SUPT4H1: variants seen among roughly 807,000 people sequenced by gnomAD.
SUPT4H1 encodes the protein SPT4 homolog, DSIF elongation factor subunit.
In SUPT4H1, 12 loss-of-function variants were observed where a neutral mutation model predicts 19.4. The observed-to-expected ratio is 0.62, with a 90% CI of 0.40 to 1.00. SUPT4H1 has a LOEUF of 1.00. SUPT4H1 is among the 50% of genes least tolerant of loss of function. The probability of loss-of-function intolerance (pLI) is 0.00; values close to 1 mark genes in which losing one functional copy is unlikely to be tolerated. For synonymous variants in SUPT4H1, 58 were observed against 56.3 expected (o/e 1.03, Z -0.14); for missense variants, 115 against 149.2 (o/e 0.77, Z 1.19).
intron 2 of SUPT4H1, among the ~76,000 whole-genome samples, chr17:58,349,906 G>GTACA (rs1332094150): frequency 7.2e-5 from 11 of 152,186 alleles, no homozygotes; most frequent in African/African-American, 2.7e-4. Flanking sequence ...TGTTTAATGG[G>GTACA]TACAGATGAA....
At chr17:58,351,664 A>C (rs893913447) in intron 1 of SUPT4H1, 156 bp from the exon 2 acceptor site, 1 of 601,744 alleles carries the variant, frequency 1.7e-6, no homozygotes, top group African/African-American at 1.9e-5. Flanking sequence ...TCAAAGCTTC[A>C]TTCCTAAGTC....
intron 3 of SUPT4H1, 80 bp downstream of exon 3, chr17:58,347,449 C>CTGA: frequency 1.9e-6 from 3 of 1,549,594 alleles, no homozygotes; most frequent in Non-Finnish European, 2.7e-6. Flanking sequence ...ACTCATCTTG[C>CTGA]TGATTTGAGA....
At chr17:58,348,504 C>T (rs1972376815) in intron 2 of SUPT4H1, among the ~76,000 whole-genome samples, 1 of 152,148 alleles carries the variant, frequency 6.6e-6, no homozygotes, top group Non-Finnish European at 1.5e-5. Flanking sequence ...AGCCCTGCAG[C>T]CTGATGGGAG....
At chr17:58,350,652 A>G (rs1395232602) in intron 2 of SUPT4H1, among the ~76,000 whole-genome samples, 3 of 151,634 alleles carry the variant, frequency 2.0e-5, no homozygotes, top group Admixed American at 6.6e-5. Flanking sequence ...CCTGGCCAAC[A>G]TGGTGAAACC....
chr17:58,349,674 C>T (rs77991835), intron 2 of SUPT4H1, among the ~76,000 whole-genome samples: 1,906 of 152,256 alleles, frequency 0.013, 22 homozygotes, highest in Middle Eastern at 0.034. Context: ...GCAGAACATG[C>T]TATACACATA....
In SUPT4H1 at chr17:58,346,305, G is replaced by GCA; in HGVS notation, c.293_294dup (p.Arg99CysfsTer4). 1.9e-6 allele frequency: 3 copies of GCA among 1,613,840 alleles called. No homozygotes were observed. Among genetic ancestry groups the GCA allele is most frequent in the African/African-American group, 1.3e-5 (1 of 74,994 alleles). ...GCCACTCCTCGACTTTTCAGCTCCC[G>GCA]CACGATTCCTGAAGCAGGAAAAGAA... On this transcript the variant is annotated frameshift_variant, in exon 5 of 5. Coordinates refer to ENST00000225504, the MANE Select transcript of SUPT4H1 (RefSeq NM_003168.3). LOFTEE classifies it high-confidence loss of function.
At position 58,352,151 on chromosome 17, in the gene SUPT4H1, GAAC is replaced by G. The variant is rs758556062; in HGVS notation, c.-19_-17del. The G allele has an allele frequency of 6.4e-5, 104 of 1,613,680 alleles. No homozygotes were observed. The highest frequency in any genetic ancestry group is 1.5e-4 in the African/African-American group (11 of 74,922). On this transcript the variant is annotated 5_prime_UTR_variant, in exon 1 of 5. Coordinates refer to ENST00000225504, the MANE Select transcript of SUPT4H1 (RefSeq NM_003168.3). ...CCAGGGCCATCTTCGCCGATGGGAA[GAAC>G]AACAGGGAGATAGACGACCACAGCC...
Position 58,352,146 on chromosome 17 carries a change from G to T in SUPT4H1, c.-11C>A. ...CGTCTCCAGGGCCATCTTCGCCGATGGGAAGAACAACAGGGAGATAGACGA... is the reference window on the plus strand; with the variant it reads ...CGTCTCCAGGGCCATCTTCGCCGATTGGAAGAACAACAGGGAGATAGACGA... On this transcript the variant is annotated 5_prime_UTR_variant, in exon 1 of 5. Transcript: ENST00000225504. 1 of 1,614,050 alleles carries T rather than the reference G, an allele frequency of 6.2e-7. No homozygotes were observed. The highest frequency in any genetic ancestry group is 8.5e-7 in the Non-Finnish European group (1 of 1,179,960).
Position 58,347,250 on chromosome 17 carries a change from GAA to G in SUPT4H1, c.233-11_233-10del. 6.2e-7 allele frequency: 1 copy of G among 1,613,490 alleles called. No homozygotes were observed. Among genetic ancestry groups the G allele is most frequent in the South Asian group, 1.1e-5 (1 of 90,950 alleles). ...ACCTGGCTTAAAGTTACCTGAGAGA[GAA>G]GAAAAAAGATACAAGATTACAGTGA... On this transcript the variant is annotated splice_polypyrimidine_tract_variant and intron_variant, in intron 3 of 4. Transcript: ENST00000225504.
chr17:58,350,798 T>C (rs1972477536), intron 2 of SUPT4H1, among the ~76,000 whole-genome samples: 1 of 136,024 alleles, frequency 7.4e-6, no homozygotes, highest in African/African-American at 2.8e-5. Flanking sequence ...ACTGCACCAT[T>C]GCACTCCAGC....
At chr17:58,351,600 A>C (rs1181085254) in intron 1 of SUPT4H1, 92 bp from the exon 2 acceptor site, 10 of 858,030 alleles carry the variant, frequency 1.2e-5, no homozygotes, top group African/African-American at 3.4e-5. Context: ...GACCTGCTCA[A>C]TTTCTTGTTT....
At chr17:58,350,147 G>A (rs1271543191) in intron 2 of SUPT4H1, among the ~76,000 whole-genome samples, 2 of 152,192 alleles carry the variant, frequency 1.3e-5, no homozygotes, top group Non-Finnish European at 2.9e-5. Flanking sequence ...TTAGCTGGGC[G>A]TGGTGGTGGG....
intron 1 of SUPT4H1, chr17:58,351,853 A>G (rs1972537400): frequency 3.4e-6 from 2 of 595,746 alleles, no homozygotes; most frequent in East Asian, 5.7e-5. Flanking sequence ...AGAGCTGAGG[A>G]TTCAAAGGCA....
intron 4 of SUPT4H1, 125 bp downstream of exon 4, chr17:58,347,063 G>T: frequency 1.1e-6 from 1 of 939,192 alleles, no homozygotes; most frequent in Non-Finnish European, 1.7e-6. Flanking sequence ...ACCTCTCTGT[G>T]CCTGGTTCCC....
At position 58,345,949 on chromosome 17, in the gene SUPT4H1, G is replaced by A. The variant is rs1972274516; in HGVS notation, c.*297C>T. 9.9e-6 allele frequency: 3 copies of A among 303,992 alleles called. No individual in the cohort carries two copies. The highest frequency in any genetic ancestry group is 2.2e-5 in the African/African-American group (1 of 45,606). The allele number at this position is 303,992 out of a possible 1,614,324, so 18.8% of individuals were successfully genotyped here. On this transcript the variant is annotated 3_prime_UTR_variant, in exon 5 of 5. Coordinates refer to ENST00000225504, the MANE Select transcript of SUPT4H1 (RefSeq NM_003168.3). ...AACTTTCTCGAGGTTCATATTTATT[G>A]ACATTTGACCTAGAGTCCTTGGCAT...
rs758290727 is a variant in SUPT4H1, at chr17:58,345,682, G to A, written c.*564C>T. ...ACTGCTGTGCCAGGTCTCGAGGGCAGAAGGATACAAGTGTGAGACACCAGG... is the reference window on the plus strand; with the variant it reads ...ACTGCTGTGCCAGGTCTCGAGGGCAAAAGGATACAAGTGTGAGACACCAGG... On this transcript the variant is annotated 3_prime_UTR_variant, in exon 5 of 5. Coordinates refer to ENST00000225504, the MANE Select transcript of SUPT4H1 (RefSeq NM_003168.3). The A allele has an allele frequency of 6.6e-6, 1 of 152,624 alleles. No individual in the cohort carries two copies. The highest frequency in any genetic ancestry group is 1.5e-5 in the Non-Finnish European group (1 of 68,392). The allele number at this position is 152,624 out of a possible 1,614,324, so 9.5% of individuals were successfully genotyped here.
intron 4 of SUPT4H1, among the ~76,000 whole-genome samples, chr17:58,346,680 G>A (rs1197409671): frequency 7.6e-6 from 1 of 131,126 alleles, no homozygotes; most frequent in African/African-American, 2.9e-5. Flanking sequence ...CTCTGATAAT[G>A]CCACTATACT....
chr17:58,350,328 A>G (rs1211594310), intron 2 of SUPT4H1, among the ~76,000 whole-genome samples: 2 of 151,838 alleles, frequency 1.3e-5, no homozygotes, highest in Admixed American at 1.3e-4. Flanking sequence ...TCTGACCAAC[A>G]TGGTGAAACC....
intron 4 of SUPT4H1, 119 bp downstream of exon 4, chr17:58,347,069 T>C (rs1437110153): frequency 3.0e-5 from 30 of 993,498 alleles, no homozygotes; most frequent in Middle Eastern, 4.2e-4. Context: ...CTGTGCCTGG[T>C]TCCCCCCATC....
Sources: allele counts gnomAD v4.1 joint callset (sites outside exome capture counted in the v4.1 genomes callset), GRCh38; gene constraint gnomAD v4.1.1; transcripts MANE v1.5; gene names NCBI Gene and HGNC (gene_info 2026-07-23, HGNC 2026-07-21).